Variants in AGO4 observed in about 807,000 individuals in gnomAD.
The protein encoded by AGO4 is protein argonaute-4.
A neutral mutation model predicts 104.7 loss-of-function variants in AGO4; 33 were observed. That is an observed-to-expected ratio of 0.32 (90% CI 0.24 to 0.42). The LOEUF (loss-of-function observed/expected upper bound fraction) is 0.42, where lower values mean the gene tolerates loss of function less well. AGO4 is among the 10% of genes least tolerant of loss of function. The pLI is 1.00. For missense variants in AGO4, 711 were observed against 1,083.4 expected, an observed-to-expected ratio of 0.66 and a Z score of 4.83; for synonymous variants, 331 against 364.7, an observed-to-expected ratio of 0.91 and a Z score of 1.05.
Position 35,841,187 on chromosome 1 carries a change from G to A in AGO4, c.1747G>A (p.Val583Ile). The change falls in exon 14 of 18, where the codon GTC (valine) becomes ATC (isoleucine). Residue 583 changes from valine to isoleucine, a missense_variant. Physicochemically the swap from Val to Ile is conservative, Grantham distance 29 (BLOSUM62 3). This residue lies in a region of AGO4 where 401 missense variants were observed against 665.5 expected (regional missense o/e 0.60). Transcript: ENST00000373210. This position sits in a 1 kb window ranked among gnomAD's most constrained non-coding sequence, Gnocchi z 4.7. ...HQRPSVFQQP[V>I]IFLGADVTHP... ...CAGGCCCTCGGTGTTCCAGCAGCCT[G>A]TCATCTTCCTGGGAGCGGATGTCAC... 1 of 1,610,258 alleles carries A rather than the reference G, an allele frequency of 6.2e-7. No homozygotes were observed. Among genetic ancestry groups the A allele is most frequent in the Non-Finnish European group, 8.5e-7 (1 of 1,176,678 alleles).
chr1:35,811,096 C>T (rs766219982), intron 1 of AGO4, among the ~76,000 whole-genome samples: 10 of 151,754 alleles, frequency 6.6e-5, no homozygotes, highest in Admixed American at 2.6e-4. Context: ...GAGGATGCTG[C>T]GAGCTGAGAT....
Position 35,828,712 on chromosome 1 carries a change from G to A in AGO4, c.848+1877G>A, listed in dbSNP as rs190588869. On this transcript the variant is annotated intron_variant, in intron 7 of 17. Transcript: ENST00000373210. ...TTTTTTGTATTTTTGGTAGAGACAG[G>A]GTTCCTCTATGTTGGCCAGGCTGAT... Among the ~76,000 whole-genome samples, 308 of 152,084 alleles carry A rather than the reference G, an allele frequency of 2.0e-3. 1 individual carries two copies. Among genetic ancestry groups the A allele is most frequent in the African/African-American group, 6.8e-3 (284 of 41,476 alleles).
chr1:35,829,244 TTTC>T (rs1203351589), intron 7 of AGO4, among the ~76,000 whole-genome samples: 2 of 152,044 alleles, frequency 1.3e-5, no homozygotes, highest in Non-Finnish European at 1.5e-5. Flanking sequence ...ACTACATGAA[TTTC>T]TTAAGAGTGG....
chr1:35,807,950 C>T (rs1350745545), upstream of AGO4, among the ~76,000 whole-genome samples: 7 of 151,762 alleles, frequency 4.6e-5, no homozygotes, highest in Admixed American at 1.3e-4. Flanking sequence ...GTGGACGGGG[C>T]AGAGCGGGCC....
intron 2 of AGO4, 122 bp from the exon 3 acceptor site, chr1:35,822,740 C>A (rs1389684857): frequency 1.6e-6 from 2 of 1,260,168 alleles, no homozygotes; most frequent in African/African-American, 3.0e-5. Context: ...TCAATTGTAA[C>A]CTTAACTCTT....
At chr1:35,832,613 A>G (rs780590389) in intron 11 of AGO4, 43 bp downstream of exon 11, 13 of 1,601,350 alleles carry the variant, frequency 8.1e-6, no homozygotes, top group Non-Finnish European at 4.3e-6. Context: ...TCCCTTCCAG[A>G]TATGAAAATA....
At chr1:35,821,201 T>C (rs1643880130) in intron 2 of AGO4, among the ~76,000 whole-genome samples, 1 of 152,238 alleles carries the variant, frequency 6.6e-6, no homozygotes, top group African/African-American at 2.4e-5. Context: ...GAATGTAAGA[T>C]GAGAAATTAC....
Position 35,825,190 on chromosome 1 carries a change from A to G in AGO4, c.307-123A>G, listed in dbSNP as rs1643985694. 5.1e-6 allele frequency: 5 copies of G among 973,058 alleles called. No individual in the cohort carries two copies. In the South Asian group the frequency reaches 8.6e-5, roughly 17 times the overall value. The allele number at this position is 973,058 out of a possible 1,614,324, so 60.3% of individuals were successfully genotyped here. A position where few individuals can be genotyped will look rare whatever the true frequency, so the allele number is the denominator to read the frequency against. On this transcript the variant is annotated intron_variant, in intron 3 of 17. Transcript: ENST00000373210. ...TGGACACTAAGTTGTTTCCAATGTTACACAATTGTAAAAAAAAGTTAAAAG... is the reference window on the plus strand; with the variant it reads ...TGGACACTAAGTTGTTTCCAATGTTGCACAATTGTAAAAAAAAGTTAAAAG...
rs761369001 is a variant in AGO4 at position 35,841,131 on chromosome 1, G to A, written c.1725-34G>A. The A allele has an allele frequency of 1.3e-6, 2 of 1,590,282 alleles. No individual in the cohort carries two copies. The highest frequency in any genetic ancestry group is 1.7e-5 in the Admixed American group (1 of 59,118). ...TAAACTCAAACATTTTCACTTATAT[G>A]TCTGAGTGGCAACATCTCCTTAAAT... is the stretch of plus-strand genomic sequence containing the variant. On this transcript the variant is annotated intron_variant, in intron 13 of 17. Transcript: ENST00000373210. This position sits in a 1 kb window ranked among gnomAD's most constrained non-coding sequence, Gnocchi z 4.7.
At chr1:35,828,607 C>T (rs2148664297) in intron 7 of AGO4, among the ~76,000 whole-genome samples, 1 of 152,108 alleles carries the variant, frequency 6.6e-6, no homozygotes, top group Middle Eastern at 3.4e-3. Flanking sequence ...GCAACCTCCA[C>T]CTCCCCGGTT....
chr1:35,835,205 T>C (rs1212753433), intron 12 of AGO4, among the ~76,000 whole-genome samples: 4 of 151,894 alleles, frequency 2.6e-5, no homozygotes, highest in African/African-American at 9.7e-5. Flanking sequence ...TACAGGCACG[T>C]GCCATCACAC....
intron 1 of AGO4, among the ~76,000 whole-genome samples, chr1:35,810,255 A>G (rs907556849): frequency 1.3e-5 from 2 of 152,236 alleles, no homozygotes; most frequent in African/African-American, 4.8e-5. Context: ...CCAACTAATA[A>G]GTAGCTGCCT....
intron 2 of AGO4, among the ~76,000 whole-genome samples, chr1:35,818,092 A>G (rs1259799066): frequency 2.6e-5 from 4 of 152,184 alleles, no homozygotes; most frequent in Non-Finnish European, 5.9e-5. Context: ...AGAAAAAGAA[A>G]ATAGAGATGG....
rs1553144128 is a variant in AGO4, at chr1:35,816,816, A to AAG, written c.20-65_20-64insGA. ...TCTGTCTCAAAAAAAAAAAAAAAAA[A>AAG]AAAAAGAAAGAAAGAAAGAAAAAGA... On this transcript the variant is annotated intron_variant, in intron 1 of 17. Coordinates refer to ENST00000373210, the MANE Select transcript of AGO4 (RefSeq NM_017629.4). The AAG allele has an allele frequency of 3.3e-3, 3,830 of 1,163,574 alleles. 3 individuals are homozygous for AAG. Among genetic ancestry groups the AAG allele is most frequent in the Non-Finnish European group, 3.7e-3 (3,206 of 861,026 alleles). 72.1% of individuals were successfully genotyped at this position (1,163,574 alleles called of 1,614,324 possible).
chr1:35,845,317 C>T (rs770974190), intron 15 of AGO4, among the ~76,000 whole-genome samples: 1 of 151,082 alleles, frequency 6.6e-6, no homozygotes, highest in Non-Finnish European at 1.5e-5. Context: ...AAATAATTCT[C>T]CTGCCTCAGC....
chr1:35,828,050 T>C (rs1232894703), intron 7 of AGO4, among the ~76,000 whole-genome samples: 3 of 151,972 alleles, frequency 2.0e-5, no homozygotes, highest in African/African-American at 7.3e-5. Flanking sequence ...CAGCCTACTG[T>C]TGTAATTCTT....
intron 1 of AGO4, among the ~76,000 whole-genome samples, chr1:35,815,525 A>G (rs910027291): frequency 1.3e-5 from 2 of 152,216 alleles, no homozygotes; most frequent in African/African-American, 2.4e-5. Context: ...AACTAGGTTT[A>G]TTTATTACAT....
Position 35,823,001 on chromosome 1 carries a change from A to G in AGO4, c.306+19A>G. The G allele has an allele frequency of 6.2e-7, 1 of 1,610,146 alleles. No individual in the cohort carries two copies. Among genetic ancestry groups the G allele is most frequent in the Non-Finnish European group, 8.5e-7 (1 of 1,177,222 alleles). On this transcript the variant is annotated intron_variant, in intron 3 of 17. Transcript: ENST00000373210. Reference sequence around the variant, plus strand: ...GGATAGGGTAAGTGTTAAGAGCAAGAAATACTTAGTTCATTTAGTAGTAAT... The same window carrying G: ...GGATAGGGTAAGTGTTAAGAGCAAGGAATACTTAGTTCATTTAGTAGTAAT...
chr1:35,824,559 G>A (rs1021692441), intron 3 of AGO4, among the ~76,000 whole-genome samples: 2 of 147,808 alleles, frequency 1.4e-5, no homozygotes, highest in Non-Finnish European at 3.0e-5. Context: ...AGTGCTGTGG[G>A]AGATCGAGGT....
Sources: gnomAD v4.1 joint callset for allele counts (sites outside exome capture counted in the v4.1 genomes callset) on GRCh38, gnomAD v4.1.1 for gene constraint, gnomAD v4.1.1 regional missense constraint, Gnocchi (gnomAD v3.1) non-coding constraint, MANE v1.5 for transcripts, NCBI Gene and HGNC (gene_info 2026-07-23, HGNC 2026-07-21) for gene names.